Variants in SFMBT2 observed in about 807,000 individuals in gnomAD.
The protein encoded by SFMBT2 is Scm like with four mbt domains 2, also known as scm-like with four MBT domains protein 2.
A neutral mutation model predicts 110.1 loss-of-function variants in SFMBT2; 38 were observed. That is an observed-to-expected ratio of 0.35 (90% confidence interval 0.27 to 0.45). SFMBT2 has a LOEUF of 0.45. SFMBT2 is among the 20% of genes least tolerant of loss of function. The pLI, the probability that SFMBT2 is intolerant of heterozygous loss-of-function variation, is 1.00. For synonymous variants in SFMBT2, 425 were observed against 425.4 expected, an observed-to-expected ratio of 1.00 and a Z score of 0.01; for missense variants, 1,011 against 1,094.9, an observed-to-expected ratio of 0.92 and a Z score of 1.08.
At chr10:7,303,056 T>C (rs1842596983) in intron 4 of SFMBT2, among the ~76,000 whole-genome samples, 1 of 152,198 alleles carries the variant, frequency 6.6e-6, no homozygotes, top group East Asian at 1.9e-4. Flanking sequence ...TAAGTCATTC[T>C]GAGGCTGACT....
At chr10:7,272,490 A>T (rs1351816583) in intron 7 of SFMBT2, among the ~76,000 whole-genome samples, 1 of 152,134 alleles carries the variant, frequency 6.6e-6, no homozygotes, top group African/African-American at 2.4e-5. Context: ...GGAGCTTAAG[A>T]TATAAGCATG....
intron 4 of SFMBT2, among the ~76,000 whole-genome samples, chr10:7,328,148 T>G (rs1303120600): frequency 6.6e-6 from 1 of 152,226 alleles, no homozygotes; most frequent in Non-Finnish European, 1.5e-5. Flanking sequence ...TATTGTCAGT[T>G]TTTTATGTTA....
intron 9 of SFMBT2, among the ~76,000 whole-genome samples, chr10:7,240,484 A>T (rs80079248): frequency 0.018 from 2,726 of 152,320 alleles, 92 homozygotes; most frequent in African/African-American, 0.061. Context: ...ACAAACTTTT[A>T]TGCAGATGAT....
At chr10:7,309,013 T>C (rs1202211828) in intron 4 of SFMBT2, among the ~76,000 whole-genome samples, 2 of 152,228 alleles carry the variant, frequency 1.3e-5, no homozygotes. Context: ...GTTAATTTTA[T>C]GTGTCAACTT....
chr10:7,330,491 G>A (rs781579274), intron 4 of SFMBT2, among the ~76,000 whole-genome samples: 6 of 152,142 alleles, frequency 3.9e-5, no homozygotes, highest in South Asian at 2.1e-4. Context: ...CACCCACCCT[G>A]TCATCCGTTC....
Position 7,170,227 on chromosome 10 carries a change from T to C in SFMBT2, c.2544+701A>G, listed in dbSNP as rs1837830738. Reference sequence around the variant, plus strand: ...GGTTGTTGTGGTTGCTGTTTGTGTGTGAGCTTCATGCCCCTGAGACTTGGA... The same window carrying C: ...GGTTGTTGTGGTTGCTGTTTGTGTGCGAGCTTCATGCCCCTGAGACTTGGA... On this transcript the variant is annotated intron_variant, in intron 20 of 20. Coordinates refer to ENST00000397167, the MANE Select transcript of SFMBT2 (RefSeq NM_001387889.1). The surrounding 1 kb of genome is among the most constrained non-coding windows in gnomAD (Gnocchi z 4.6). Among the ~76,000 whole-genome samples the C allele has an allele frequency of 6.6e-6, 1 of 152,226 alleles. No homozygotes were observed. The highest frequency in any genetic ancestry group is 2.4e-5 in the African/African-American group (1 of 41,464).
At chr10:7,300,786 T>C (rs1444242384) in intron 4 of SFMBT2, among the ~76,000 whole-genome samples, 1 of 152,250 alleles carries the variant, frequency 6.6e-6, no homozygotes, top group Non-Finnish European at 1.5e-5. Flanking sequence ...GTTTTATATT[T>C]AGTGAGTTAG....
At chr10:7,212,566 A>G (rs1839384802) in intron 11 of SFMBT2, among the ~76,000 whole-genome samples, 1 of 152,180 alleles carries the variant, frequency 6.6e-6, no homozygotes, top group Admixed American at 6.5e-5. Flanking sequence ...TAATAATACT[A>G]TCAGCAACCT....
intron 15 of SFMBT2, among the ~76,000 whole-genome samples, chr10:7,192,878 G>A (rs1202150256): frequency 6.6e-6 from 1 of 152,100 alleles, no homozygotes. Context: ...GATTCTGCTG[G>A]TCTACGCCTT....
intron 4 of SFMBT2, among the ~76,000 whole-genome samples, chr10:7,359,859 T>A (rs891138838): frequency 3.9e-5 from 6 of 152,254 alleles, no homozygotes; most frequent in African/African-American, 1.4e-4. Flanking sequence ...AAAGTCTTAA[T>A]GATATAATCT....
At chr10:7,339,756 T>A (rs1283230992) in intron 4 of SFMBT2, among the ~76,000 whole-genome samples, 1 of 152,166 alleles carries the variant, frequency 6.6e-6, no homozygotes, top group African/African-American at 2.4e-5. Flanking sequence ...ACTGAATAAA[T>A]CTCCTCCAAC....
Position 7,172,745 on chromosome 10 carries a change from C to G in SFMBT2, c.1985-84G>C. On this transcript the variant is annotated intron_variant, in intron 17 of 20. Transcript: ENST00000397167. The surrounding 1 kb of genome is among the most constrained non-coding windows in gnomAD (Gnocchi z 4.6). ...AGAGAGGAGAGAGAAAGAAGGGAAA[C>G]GATTCTTTCATCTGATAGTTCATTT... The G allele has an allele frequency of 6.9e-7, 1 of 1,454,474 alleles. No individual in the cohort carries two copies. Among genetic ancestry groups the G allele is most frequent in the Non-Finnish European group, 9.3e-7 (1 of 1,081,060 alleles). 90.1% of individuals were successfully genotyped at this position (1,454,474 alleles called of 1,614,324 possible).
intron 4 of SFMBT2, among the ~76,000 whole-genome samples, chr10:7,347,358 A>G (rs1381369472): frequency 6.6e-6 from 1 of 152,162 alleles, no homozygotes; most frequent in Non-Finnish European, 1.5e-5. Context: ...AATTAACTTG[A>G]GCCACAGCAT....
intron 16 of SFMBT2, among the ~76,000 whole-genome samples, chr10:7,186,088 A>G (rs1838392417): frequency 6.6e-6 from 1 of 152,158 alleles, no homozygotes; most frequent in African/African-American, 2.4e-5. Context: ...TATAAAAGGT[A>G]CGGTTGTTGG....
intron 7 of SFMBT2, among the ~76,000 whole-genome samples, chr10:7,273,312 A>G (rs1257486571): frequency 6.6e-6 from 1 of 152,210 alleles, no homozygotes; most frequent in Non-Finnish European, 1.5e-5. Context: ...TGACTACACT[A>G]AAAAGATTCC....
At chr10:7,182,484 T>C (rs1327699805) in intron 16 of SFMBT2, among the ~76,000 whole-genome samples, 2 of 152,028 alleles carry the variant, frequency 1.3e-5, no homozygotes, top group Admixed American at 6.6e-5. Flanking sequence ...CCAACAATGA[T>C]AGACTGGATT....
At position 7,242,850 on chromosome 10, in the gene SFMBT2, A is replaced by G. The variant is rs74117283; in HGVS notation, c.1120+708T>C. On this transcript the variant is annotated intron_variant, in intron 9 of 20. Coordinates refer to ENST00000397167, the MANE Select transcript of SFMBT2 (RefSeq NM_001387889.1). ...TTAGTACAAAACCCCTTATTATTTAAGTTTGTCTGTTAAAATCCTCCCCAA... is the reference window on the plus strand; with the variant it reads ...TTAGTACAAAACCCCTTATTATTTAGGTTTGTCTGTTAAAATCCTCCCCAA... Among the ~76,000 whole-genome samples the G allele has an allele frequency of 4.9e-3, 740 of 152,330 alleles. 4 individuals are homozygous for G. Among genetic ancestry groups the G allele is most frequent in the African/African-American group, 0.017 (710 of 41,574 alleles).
At position 7,168,627 on chromosome 10, in the gene SFMBT2, C is replaced by T. The variant is rs1028254043; in HGVS notation, c.2544+2301G>A. 3.9e-5 allele frequency among the ~76,000 whole-genome samples: 6 copies of T among 152,224 alleles called. 1 individual carries two copies. The East Asian group carries it at 5.8e-4, about 15-fold the overall frequency. On this transcript the variant is annotated intron_variant, in intron 20 of 20. Coordinates refer to ENST00000397167, the MANE Select transcript of SFMBT2 (RefSeq NM_001387889.1). ...ACGTATTTGAATACAACGCTTATCT[C>T]GCCGCAGCACCACTGTCAATAAATG... is the stretch of plus-strand genomic sequence containing the variant.
At chr10:7,290,813 G>C (rs1262029378) in intron 4 of SFMBT2, among the ~76,000 whole-genome samples, 2 of 152,044 alleles carry the variant, frequency 1.3e-5, no homozygotes, top group African/African-American at 4.8e-5. Flanking sequence ...CTCCAGCCTG[G>C]GTAACAGAGT....
Sources: gnomAD v4.1 joint callset for allele counts (sites outside exome capture counted in the v4.1 genomes callset) on GRCh38, gnomAD v4.1.1 for gene constraint, Gnocchi (gnomAD v3.1) non-coding constraint, MANE v1.5 for transcripts, NCBI Gene and HGNC (gene_info 2026-07-23, HGNC 2026-07-21) for gene names.